Variants in DNAI3 observed in about 807,000 individuals in gnomAD.
The protein encoded by DNAI3 is dynein axonemal intermediate chain 3.
DNAI3 carries 83 observed loss-of-function variants against 115.5 expected under a neutral mutation model. The ratio of observed to expected loss-of-function variants is 0.72; its 90% CI spans 0.60 to 0.86. The LOEUF is 0.86. Ranked by LOEUF, DNAI3 falls within the 40% of genes least tolerant of loss-of-function variation. DNAI3 has a pLI of 0.00. For synonymous variants in DNAI3, 320 were observed against 347.0 expected (o/e 0.92, Z 0.86); for missense variants, 1,004 against 1,075.8 (o/e 0.93, Z 0.93).
chr1:85,074,219 C>G (rs1654378422), intron 3 of DNAI3, among the ~76,000 whole-genome samples: 1 of 152,304 alleles, frequency 6.6e-6, no homozygotes, highest in Admixed American at 6.5e-5. Context: ...TCGGTTAGTT[C>G]CCAAGGCTCC....
chr1:85,122,107 A>G (rs528888531), intron 18 of DNAI3, among the ~76,000 whole-genome samples: 6 of 152,244 alleles, frequency 3.9e-5, no homozygotes, highest in Non-Finnish European at 8.8e-5. Context: ...AGGAGCACTG[A>G]CCTATATGTT....
intron 10 of DNAI3, among the ~76,000 whole-genome samples, chr1:85,095,686 G>C (rs1655102615): frequency 6.6e-6 from 1 of 152,170 alleles, no homozygotes; most frequent in Non-Finnish European, 1.5e-5. Context: ...CCACTGAGGG[G>C]TGGGTTGGGG....
chr1:85,091,581 G>A (rs980608778), intron 8 of DNAI3, among the ~76,000 whole-genome samples: 2 of 152,194 alleles, frequency 1.3e-5, no homozygotes, highest in Admixed American at 1.3e-4. Flanking sequence ...ATTAAGGTAA[G>A]CCTGATTTTG....
intron 4 of DNAI3, among the ~76,000 whole-genome samples, chr1:85,081,759 C>T (rs570966138): frequency 8.3e-4 from 127 of 152,206 alleles, no homozygotes; most frequent in African/African-American, 2.8e-3. Context: ...GCAATCCTCC[C>T]GTTTCAGCCT....
At chr1:85,103,360 G>T (rs1204682704) in intron 13 of DNAI3, among the ~76,000 whole-genome samples, 1 of 152,106 alleles carries the variant, frequency 6.6e-6, no homozygotes, top group Admixed American at 6.5e-5. Flanking sequence ...TGTGCATGCA[G>T]ACTTATGCCC....
chr1:85,119,062 A>C (rs1655913148), intron 17 of DNAI3, among the ~76,000 whole-genome samples: 1 of 152,242 alleles, frequency 6.6e-6, no homozygotes, highest in Non-Finnish European at 1.5e-5. Context: ...AAGCAATGCA[A>C]CACTACCAAA....
intron 21 of DNAI3, 148 bp downstream of exon 21, chr1:85,128,947 A>G (rs1571205327): frequency 2.8e-6 from 2 of 701,996 alleles, no homozygotes; most frequent in East Asian, 3.0e-5. Context: ...TTTCTGTTGT[A>G]TGAGTTAAAT....
intron 13 of DNAI3, among the ~76,000 whole-genome samples, chr1:85,102,853 C>A (rs1380128804): frequency 6.6e-6 from 1 of 152,146 alleles, no homozygotes; most frequent in Non-Finnish European, 1.5e-5. Flanking sequence ...CTAAAATATT[C>A]TGTTTTCCAA....
chr1:85,086,060 A>G (rs1654793320), intron 7 of DNAI3, 30 bp downstream of exon 7: 32 of 1,597,920 alleles, frequency 2.0e-5, no homozygotes, highest in Non-Finnish European at 2.5e-5. Flanking sequence ...ATGTAATTTT[A>G]TAGCCAGTTA....
intron 13 of DNAI3, among the ~76,000 whole-genome samples, chr1:85,099,567 A>T (rs1193853574): frequency 6.6e-6 from 1 of 152,208 alleles, no homozygotes; most frequent in African/African-American, 2.4e-5. Context: ...TAATTTATAG[A>T]TTCAATGCCA....
intron 16 of DNAI3, among the ~76,000 whole-genome samples, chr1:85,112,298 T>C (rs932150347): frequency 1.3e-5 from 2 of 152,216 alleles, no homozygotes; most frequent in African/African-American, 4.8e-5. Flanking sequence ...CAGAGTGGCA[T>C]TTCATTGTAT....
At chr1:85,097,750 A>C in intron 12 of DNAI3, 95 bp downstream of exon 12, 2 of 1,087,134 alleles carry the variant, frequency 1.8e-6, no homozygotes, top group Non-Finnish European at 2.6e-6. Flanking sequence ...TAAAAACTCA[A>C]GAGAAAAAAG....
Position 85,108,130 on chromosome 1 carries a change from C to T in DNAI3, c.1651C>T (p.Pro551Ser). 6.2e-7 allele frequency: 1 copy of T among 1,608,676 alleles called. No homozygotes were observed. Among genetic ancestry groups the T allele is most frequent in the Non-Finnish European group, 8.5e-7 (1 of 1,177,948 alleles). Residue 551 changes from proline (P) to serine (S), a missense_variant, in exon 15 of 23, where the codon CCA becomes TCA. Around this residue, in one of 3 missense-constraint regions of DNAI3, gnomAD observed 429 missense variants for 454.3 expected, o/e 0.94. Transcript: ENST00000294664. ...AAGTATTGAAATTCCTTTTGATGTA[C>T]CATCTACTTTTTTGCATCTGGATCT... Reference protein sequence around the residue: ...EESIEIPFDVPSTFLHLDLSW... With the variant: ...EESIEIPFDVSSTFLHLDLSW...
chr1:85,097,326 T>A (rs182100356), intron 11 of DNAI3, among the ~76,000 whole-genome samples: 61 of 152,306 alleles, frequency 4.0e-4, no homozygotes, highest in Admixed American at 2.2e-3. Context: ...TTGGATTTTT[T>A]AAAAATACTG....
chr1:85,126,532 T>C lies in DNAI3; in HGVS notation c.2134T>C (p.Cys712Arg). 1.2e-6 allele frequency: 2 copies of C among 1,614,096 alleles called. No individual in the cohort carries two copies. The highest frequency in any genetic ancestry group is 1.7e-6 in the Non-Finnish European group (2 of 1,179,982). The change falls in exon 20 of 23, where the codon TGC (cysteine) becomes CGC (arginine). Residue 712 changes from cysteine to arginine, a missense_variant. Coordinates refer to ENST00000294664, the MANE Select transcript of DNAI3 (RefSeq NM_145172.5). ...GVMTGPLLQS[C>R]CAPKRYTSGH... is the part of the protein sequence containing the mutation. ...AAAGACTGGACCGCTCCTTCAGTCATGCTGTGCACCAAAAAGGTACACCTC... is the reference window on the plus strand; with the variant it reads ...AAAGACTGGACCGCTCCTTCAGTCACGCTGTGCACCAAAAAGGTACACCTC...
At chr1:85,084,250 G>GTATATATATATATATATA (rs33956396) in intron 5 of DNAI3, among the ~76,000 whole-genome samples, 81 of 85,014 alleles carry the variant, frequency 9.5e-4, no homozygotes, top group Middle Eastern at 0.011. Flanking sequence ...TCAGCAGTGT[G>GTATATATATATATATATA]TATATATATA....
intron 16 of DNAI3, among the ~76,000 whole-genome samples, chr1:85,111,611 G>A (rs764546128): frequency 3.0e-4 from 46 of 152,346 alleles, no homozygotes; most frequent in Non-Finnish European, 5.9e-4. Flanking sequence ...AACCAAGGCT[G>A]AGAGAGGTTA....
intron 2 of DNAI3, among the ~76,000 whole-genome samples, 182 bp from the exon 3 acceptor site, chr1:85,072,872 G>A (rs1036602258): frequency 2.7e-5 from 4 of 145,948 alleles, no homozygotes; most frequent in East Asian, 2.1e-4. Flanking sequence ...GGAGAATGGC[G>A]TGAACCCAGG....
chr1:85,072,755 A>T (rs1388381865), intron 2 of DNAI3, among the ~76,000 whole-genome samples: 1 of 151,892 alleles, frequency 6.6e-6, no homozygotes, highest in Non-Finnish European at 1.5e-5. Context: ...GGAGATGGAG[A>T]CCATCCTGGT....
Sources: allele counts gnomAD v4.1 joint callset (sites outside exome capture counted in the v4.1 genomes callset), GRCh38; gene constraint gnomAD v4.1.1; regional missense constraint gnomAD v4.1.1; transcripts MANE v1.5; gene names NCBI Gene and HGNC (gene_info 2026-07-23, HGNC 2026-07-21).